ZNF362: variants seen among roughly 807,000 people sequenced by gnomAD.
ZNF362 encodes the protein rotund homolog.
ZNF362 carries 11 observed loss-of-function variants against 42.9 expected under a neutral mutation model. The ratio of observed to expected loss-of-function variants is 0.26; its 90% CI spans 0.16 to 0.42. ZNF362 has a LOEUF of 0.42. ZNF362 is among the 20% of genes least tolerant of loss of function. The pLI, the probability that ZNF362 is intolerant of heterozygous loss-of-function variation, is 1.00. For synonymous variants in ZNF362, 255 were observed against 257.3 expected (o/e 0.99, Z 0.09); for missense variants, 362 against 576.2 (o/e 0.63, Z 3.81).
chr1:33,256,291 C>T (rs1288198795), upstream of ZNF362, among the ~76,000 whole-genome samples: 4 of 143,324 alleles, frequency 2.8e-5, no homozygotes, highest in African/African-American at 1.0e-4. Context: ...CTCGCGCAGT[C>T]GCCAGCGCCC....
At chr1:33,222,692 G>A in the ZNF362 span, among the ~76,000 whole-genome samples, 1 of 152,180 alleles carries the variant, frequency 6.6e-6, no homozygotes, top group African/African-American at 2.4e-5. Context: ...TGCATTTGCT[G>A]CTTAATCTGT....
In ZNF362 at chr1:33,299,025, G is replaced by C. The variant is rs138022975; in HGVS notation, c.1242G>C (p.Pro414=). The change falls in exon 9 of 9, where the codon CCG becomes CCC. Residue 414 remains proline, a synonymous_variant. Coordinates refer to ENST00000539719, the MANE Select transcript of ZNF362 (RefSeq NM_152493.3). ...SPQRTESPGI[P]VRISLI is the part of the protein sequence containing the mutation. ...AGAGGACGGAGTCCCCCGGCATCCC[G>C]GTGCGAATCTCTCTCATCTGAGCCC... The C allele has an allele frequency of 5.6e-6, 9 of 1,610,436 alleles. No individual in the cohort carries two copies. The highest frequency in any genetic ancestry group is 5.9e-6 in the Non-Finnish European group (7 of 1,179,952).
At chr1:33,158,047 G>A in the ZNF362 span, among the ~76,000 whole-genome samples, 122 of 152,272 alleles carry the variant, frequency 8.0e-4, 1 homozygote, top group African/African-American at 2.8e-3. Flanking sequence ...GAGCCACCAC[G>A]CCCAGCCATC....
the ZNF362 span, among the ~76,000 whole-genome samples, chr1:33,148,340 T>A: frequency 9.3e-4 from 142 of 152,220 alleles, no homozygotes; most frequent in African/African-American, 3.3e-3. Flanking sequence ...AAACATGAAA[T>A]TTTTTTTGCA....
the ZNF362 span, among the ~76,000 whole-genome samples, chr1:33,220,949 A>G: frequency 6.6e-6 from 1 of 151,914 alleles, no homozygotes; most frequent in African/African-American, 2.4e-5. Context: ...CTCTGTGGGG[A>G]ATGTGGAAGG....
chr1:33,256,259 C>A (rs1645789001), upstream of ZNF362, among the ~76,000 whole-genome samples: 2 of 142,994 alleles, frequency 1.4e-5, no homozygotes, highest in Admixed American at 6.9e-5. Flanking sequence ...CCGCCCCCGC[C>A]CCCCGCCCGG....
At chr1:33,192,791 T>G in the ZNF362 span, among the ~76,000 whole-genome samples, 1 of 152,132 alleles carries the variant, frequency 6.6e-6, no homozygotes, top group African/African-American at 2.4e-5. Context: ...AGTCCTCTGA[T>G]TACCTGCTAA....
the ZNF362 span, among the ~76,000 whole-genome samples, chr1:33,211,571 C>A: frequency 2.0e-5 from 3 of 152,170 alleles, no homozygotes; most frequent in Non-Finnish European, 4.4e-5. Flanking sequence ...GACCCCCACT[C>A]TCTTCTGGTT....
rs1240800985 is a variant in ZNF362 at position 33,280,646 on chromosome 1, T to G, written c.683+189T>G. On this transcript the variant is annotated intron_variant, in intron 5 of 8. Coordinates refer to ENST00000539719, the MANE Select transcript of ZNF362 (RefSeq NM_152493.3). This position sits in a 1 kb window ranked among gnomAD's most constrained non-coding sequence, Gnocchi z 5.6. Reference sequence around the variant, plus strand: ...CAAGTCCCAGTTCGGGGAGGGCTGCTGGGGAGGGGAATAGAGGCTTGGACC... The same window carrying G: ...CAAGTCCCAGTTCGGGGAGGGCTGCGGGGGAGGGGAATAGAGGCTTGGACC... 6.6e-6 allele frequency among the ~76,000 whole-genome samples: 1 copy of G among 152,066 alleles called. No homozygotes were observed. The highest frequency in any genetic ancestry group is 1.5e-5 in the Non-Finnish European group (1 of 67,986).
chr1:33,262,398 G>A (rs1458331838), intron 1 of ZNF362, among the ~76,000 whole-genome samples: 3 of 3,254 alleles, frequency 9.2e-4, no homozygotes, highest in Non-Finnish European at 2.9e-3. Flanking sequence ...TCCGCCTCCT[G>A]GGTTCACACC....
the ZNF362 span, among the ~76,000 whole-genome samples, chr1:33,201,290 G>C: frequency 6.6e-6 from 1 of 152,166 alleles, no homozygotes; most frequent in African/African-American, 2.4e-5. Context: ...CAGCCAACTT[G>C]ATCTAATAGA....
the ZNF362 span, among the ~76,000 whole-genome samples, chr1:33,151,042 A>G: frequency 1.3e-5 from 2 of 152,048 alleles, no homozygotes. Context: ...AAGCAGGTAT[A>G]AGGGCTCAGC....
At chr1:33,279,648 T>C (rs1645976467) in intron 4 of ZNF362, among the ~76,000 whole-genome samples, 2 of 150,494 alleles carry the variant, frequency 1.3e-5, no homozygotes, top group South Asian at 4.2e-4. Context: ...TTAAGCCTCT[T>C]TTTTTTTTTT....
the ZNF362 span, among the ~76,000 whole-genome samples, chr1:33,189,176 T>C: frequency 6.6e-6 from 1 of 152,184 alleles, no homozygotes; most frequent in Non-Finnish European, 1.5e-5. Flanking sequence ...GCACTTTTGT[T>C]TTCCACCAAC....
rs879622539 is a variant in ZNF362 at position 33,262,497 on chromosome 1, T to C, written c.-89+5843T>C. On this transcript the variant is annotated intron_variant, in intron 1 of 8. Coordinates refer to ENST00000539719, the MANE Select transcript of ZNF362 (RefSeq NM_152493.3). Reference sequence around the variant, plus strand: ...AATTTTTTTGTATTTTTAGTAGAGATGGGGTTTCACCGTGTTAGCCAGGAT... The same window carrying C: ...AATTTTTTTGTATTTTTAGTAGAGACGGGGTTTCACCGTGTTAGCCAGGAT... Among the ~76,000 whole-genome samples, 22 of 151,808 alleles carry C rather than the reference T, an allele frequency of 1.4e-4. No individual in the cohort carries two copies. The East Asian group carries it at 1.7e-3, about 12-fold the overall frequency.
chr1:33,262,933 C>T (rs1040970163), intron 1 of ZNF362, among the ~76,000 whole-genome samples: 2 of 152,170 alleles, frequency 1.3e-5, no homozygotes, highest in Non-Finnish European at 2.9e-5. Context: ...TGCATGTGCT[C>T]TTGCCACTGG....
At chr1:33,228,095 G>C in the ZNF362 span, among the ~76,000 whole-genome samples, 1 of 152,092 alleles carries the variant, frequency 6.6e-6, no homozygotes, top group Non-Finnish European at 1.5e-5. Context: ...TCTCTTCTGA[G>C]CTCATGACCT....
At chr1:33,133,582 C>T in the ZNF362 span, among the ~76,000 whole-genome samples, 5 of 152,338 alleles carry the variant, frequency 3.3e-5, no homozygotes, top group Non-Finnish European at 7.3e-5. Flanking sequence ...ATGGTGATCA[C>T]TGCAGCTTGC....
chr1:33,221,263 G>A, the ZNF362 span, among the ~76,000 whole-genome samples: 1 of 152,218 alleles, frequency 6.6e-6, no homozygotes, highest in Non-Finnish European at 1.5e-5. Flanking sequence ...TGAGGTACGG[G>A]CCAGGACCTG....
Sources: allele counts gnomAD v4.1 joint callset (sites outside exome capture counted in the v4.1 genomes callset), GRCh38; gene constraint gnomAD v4.1.1; non-coding constraint Gnocchi (gnomAD v3.1); transcripts MANE v1.5; gene names NCBI Gene and HGNC (gene_info 2026-07-23, HGNC 2026-07-21).